CYP4X1: variants seen among roughly 807,000 people sequenced by gnomAD.
The protein encoded by CYP4X1 is cytochrome P450 4X1.
CYP4X1 carries 44 observed loss-of-function variants against 57.9 expected under a neutral mutation model. The ratio of observed to expected loss-of-function variants is 0.76; its 90% CI spans 0.60 to 0.98. CYP4X1 has a LOEUF of 0.98. CYP4X1 is among the 50% of genes least tolerant of loss of function. The pLI, the probability that CYP4X1 is intolerant of heterozygous loss-of-function variation, is 0.00. For missense variants in CYP4X1, 532 were observed against 623.9 expected (o/e 0.85, Z 1.57); for synonymous variants, 227 against 228.6 (o/e 0.99, Z 0.06).
At chr1:46,996,678 C>A in the CYP4X1 span, among the ~76,000 whole-genome samples, 1 of 152,178 alleles carries the variant, frequency 6.6e-6, no homozygotes, top group Non-Finnish European at 1.5e-5. Flanking sequence ...AACTAAATAT[C>A]TTTCCAATTC....
intron 1 of CYP4X1, among the ~76,000 whole-genome samples, chr1:47,027,972 A>G (rs970486038): frequency 6.6e-6 from 1 of 152,226 alleles, no homozygotes; most frequent in Non-Finnish European, 1.5e-5. Flanking sequence ...TTTGTTTGCC[A>G]CTATAAACCT....
chr1:47,001,077 G>A, the CYP4X1 span: 1 of 233,550 alleles, frequency 4.3e-6, no homozygotes, highest in Non-Finnish European at 9.8e-6. Context: ...TCCCGATGCA[G>A]TTCCTGAGCC....
chr1:47,012,283 G>T, the CYP4X1 span, among the ~76,000 whole-genome samples: 2 of 152,130 alleles, frequency 1.3e-5, no homozygotes, highest in South Asian at 2.1e-4. Flanking sequence ...CTGGAAACCA[G>T]TATTCTCAGC....
chr1:46,988,665 A>G, the CYP4X1 span, among the ~76,000 whole-genome samples: 2 of 152,222 alleles, frequency 1.3e-5, no homozygotes, highest in African/African-American at 4.8e-5. Flanking sequence ...ATCCAGCAGC[A>G]CATCAAAAAG....
upstream of CYP4X1, among the ~76,000 whole-genome samples, chr1:47,018,812 T>C (rs926558885): frequency 2.0e-5 from 3 of 152,182 alleles, no homozygotes; most frequent in African/African-American, 7.2e-5. Flanking sequence ...ATTGAAAACA[T>C]TATCTTGGAG....
the CYP4X1 span, among the ~76,000 whole-genome samples, chr1:47,007,831 A>G: frequency 5.9e-5 from 9 of 152,234 alleles, no homozygotes; most frequent in African/African-American, 2.2e-4. Flanking sequence ...GGTATCAGTG[A>G]TGGAACATCA....
At chr1:46,985,564 T>C in the CYP4X1 span, among the ~76,000 whole-genome samples, 1 of 152,174 alleles carries the variant, frequency 6.6e-6, no homozygotes, top group Non-Finnish European at 1.5e-5. Context: ...CCATGTCTCC[T>C]GATTGGGAGA....
At chr1:47,016,254 A>C in the CYP4X1 span, among the ~76,000 whole-genome samples, 107 of 152,162 alleles carry the variant, frequency 7.0e-4, no homozygotes, top group Non-Finnish European at 1.1e-3. Flanking sequence ...TTAAACCATC[A>C]TGGTGTTTTA....
Position 47,029,940 on chromosome 1 carries a change from G to A in CYP4X1, c.178-50G>A, listed in dbSNP as rs112575852. On this transcript the variant is annotated intron_variant, in intron 1 of 11. Transcript: ENST00000371901. Reference sequence around the variant, plus strand: ...TGAACTCAGCTTGTGTCTATAAGAGGGGACAGGTCCAGCTTGGCTGGCTAA... The same window carrying A: ...TGAACTCAGCTTGTGTCTATAAGAGAGGACAGGTCCAGCTTGGCTGGCTAA... 1,479 of 1,595,488 alleles carry A rather than the reference G, an allele frequency of 9.3e-4. 7 individuals carry two copies. In the African/African-American group the frequency reaches 0.017, roughly 19 times the overall value.
chr1:46,989,598 T>A, the CYP4X1 span, among the ~76,000 whole-genome samples: 2 of 152,100 alleles, frequency 1.3e-5, no homozygotes, highest in African/African-American at 4.8e-5. Flanking sequence ...GACAAGACAA[T>A]CATAAGCAAA....
the CYP4X1 span, among the ~76,000 whole-genome samples, chr1:46,985,243 G>A: frequency 6.6e-6 from 1 of 152,160 alleles, no homozygotes; most frequent in Non-Finnish European, 1.5e-5. Flanking sequence ...CAGGAGAATG[G>A]CATAAACCTG....
chr1:47,038,235 A>G (rs1391706587), intron 6 of CYP4X1, among the ~76,000 whole-genome samples: 1 of 152,178 alleles, frequency 6.6e-6, no homozygotes, highest in Non-Finnish European at 1.5e-5. Context: ...AATAGTAAAT[A>G]AATATTACCT....
At chr1:47,003,001 C>G in the CYP4X1 span, 1 of 152,240 alleles carries the variant, frequency 6.6e-6, no homozygotes. Context: ...CTTGATCTCC[C>G]TAGAATCACC....
Position 47,049,973 on chromosome 1 carries a change from A to T in CYP4X1, c.1356-27A>T, listed in dbSNP as rs1417975759. 3 of 1,603,462 alleles carry T rather than the reference A, an allele frequency of 1.9e-6. No individual in the cohort carries two copies. The Admixed American group carries it at 5.1e-5, about 27-fold the overall frequency. ...CAGAAGAAACATCATTTTTTCAAGT[A>T]TCACTTTCTTTCCCTCTTGTCTTCA... On this transcript the variant is annotated intron_variant, in intron 11 of 11. Coordinates refer to ENST00000371901, the MANE Select transcript of CYP4X1 (RefSeq NM_178033.2).
downstream of CYP4X1, among the ~76,000 whole-genome samples, chr1:47,052,055 T>C (rs182342532): frequency 4.5e-3 from 690 of 152,292 alleles, 3 homozygotes; most frequent in Admixed American, 7.4e-3. Flanking sequence ...CTTATTAATA[T>C]TCAATTTCAT....
At chr1:47,024,678 C>A (rs1644043101) in intron 1 of CYP4X1, among the ~76,000 whole-genome samples, 2 of 152,130 alleles carry the variant, frequency 1.3e-5, no homozygotes, top group African/African-American at 4.8e-5. Flanking sequence ...CAGACTTAGG[C>A]CACAGAGAGA....
chr1:46,963,293 A>G, the CYP4X1 span, among the ~76,000 whole-genome samples: 1 of 152,140 alleles, frequency 6.6e-6, no homozygotes, highest in East Asian at 1.9e-4. Flanking sequence ...TGATCCTGTC[A>G]TTATGATGTT....
chr1:46,977,055 G>T, the CYP4X1 span, among the ~76,000 whole-genome samples: 1 of 152,080 alleles, frequency 6.6e-6, no homozygotes, highest in Non-Finnish European at 1.5e-5. Context: ...TAAAAACCAG[G>T]GCACCTCTTC....
At chr1:47,036,301 G>C in intron 6 of CYP4X1, 130 bp downstream of exon 6, 3 of 1,139,824 alleles carry the variant, frequency 2.6e-6, no homozygotes, top group Non-Finnish European at 3.4e-6. Flanking sequence ...TATAGACACT[G>C]CTCCAAAGAA....
Sources: gnomAD v4.1 joint callset for allele counts (sites outside exome capture counted in the v4.1 genomes callset) on GRCh38, gnomAD v4.1.1 for gene constraint, MANE v1.5 for transcripts, NCBI Gene and HGNC (gene_info 2026-07-23, HGNC 2026-07-21) for gene names.